The following PKP1 variants were observed in gnomAD, a reference collection of about 807,000 sequenced individuals.
The protein encoded by PKP1 is plakophilin-1.
A neutral mutation model predicts 76.4 loss-of-function variants in PKP1; 27 were observed. The observed-to-expected ratio is 0.35, with a 90% CI of 0.26 to 0.49. The LOEUF is 0.49. Ranked by LOEUF, PKP1 falls within the 20% of genes least tolerant of loss-of-function variation. PKP1 has a pLI of 0.99. For synonymous variants in PKP1, 404 were observed against 384.2 expected (o/e 1.05, Z -0.60); for missense variants, 964 against 955.2 (o/e 1.01, Z -0.12).
At position 201,325,293 on chromosome 1, in the gene PKP1, G is replaced by A. The variant is rs937449795; in HGVS notation, c.2021+166G>A. ...ATGGAGGAGAAGTTCCAGAAGCCGAGAGTGCGTGGAGAGAAGGGTCCAGCA... is the reference window on the plus strand; with the variant it reads ...ATGGAGGAGAAGTTCCAGAAGCCGAAAGTGCGTGGAGAGAAGGGTCCAGCA... On this transcript the variant is annotated intron_variant, in intron 11 of 13. Transcript: ENST00000367324. Among the ~76,000 whole-genome samples, 3 of 152,194 alleles carry A rather than the reference G, an allele frequency of 2.0e-5. No homozygotes were observed. In the East Asian group the frequency reaches 5.8e-4, roughly 29 times the overall value.
chr1:201,310,174 C>G (rs1379527098), intron 2 of PKP1, among the ~76,000 whole-genome samples: 1 of 152,198 alleles, frequency 6.6e-6, no homozygotes, highest in Non-Finnish European at 1.5e-5. Context: ...AGGCAGCCAG[C>G]CTGTGCCCAA....
chr1:201,324,854 A>C, intron 10 of PKP1, 87 bp from the exon 11 acceptor site: 1 of 1,332,372 alleles, frequency 7.5e-7, no homozygotes, highest in Non-Finnish European at 1.1e-6. Flanking sequence ...GCAGAAGGCT[A>C]TCGAAGAGTG....
intron 2 of PKP1, among the ~76,000 whole-genome samples, chr1:201,301,996 G>T (rs1159053435): frequency 2.6e-5 from 4 of 152,138 alleles, no homozygotes; most frequent in Non-Finnish European, 5.9e-5. Context: ...TGGGGAGGGG[G>T]TCTTGGGTTC....
chr1:201,325,861 T>C, intron 12 of PKP1, 23 bp downstream of exon 12: 2 of 1,567,472 alleles, frequency 1.3e-6, no homozygotes, highest in Non-Finnish European at 1.8e-6. Flanking sequence ...GACATCATCC[T>C]CTTCTGAGGT....
chr1:201,306,498 T>C, intron 2 of PKP1, among the ~76,000 whole-genome samples: 1 of 152,196 alleles, frequency 6.6e-6, no homozygotes, highest in East Asian at 1.9e-4. Context: ...AGCTACAAAG[T>C]TTTATAGGAT....
chr1:201,317,486 G>GA (rs11336457), intron 4 of PKP1, 86 bp from the exon 5 acceptor site: 81 of 1,147,512 alleles, frequency 7.1e-5, no homozygotes, highest in African/African-American at 4.0e-4. Flanking sequence ...TTTTTGGTCT[G>GA]AAAAAAAAAA....
At chr1:201,328,964 A>G (rs951263155) in intron 13 of PKP1, 96 bp downstream of exon 13, 48 of 817,736 alleles carry the variant, frequency 5.9e-5, no homozygotes, top group Middle Eastern at 2.3e-4. Context: ...TCCCAGGGAC[A>G]CAGAAGCATC....
chr1:201,329,411 C>T (rs1657243578), intron 13 of PKP1, among the ~76,000 whole-genome samples: 3 of 152,220 alleles, frequency 2.0e-5, no homozygotes. Flanking sequence ...TGCTAAAATG[C>T]ACACACTTGG....
intron 5 of PKP1, among the ~76,000 whole-genome samples, chr1:201,318,127 C>A (rs1346173469): frequency 6.6e-6 from 1 of 152,086 alleles, no homozygotes; most frequent in Non-Finnish European, 1.5e-5. Flanking sequence ...GGTTAACAGG[C>A]CTTAAGCACC....
intron 2 of PKP1, among the ~76,000 whole-genome samples, chr1:201,304,641 G>C (rs1656323673): frequency 6.6e-6 from 1 of 152,214 alleles, no homozygotes; most frequent in Admixed American, 6.5e-5. Context: ...AGAACCACTG[G>C]GGATGGGGTC....
intron 2 of PKP1, 41 bp downstream of exon 2, chr1:201,294,086 TG>T: frequency 1.5e-6 from 2 of 1,373,502 alleles, no homozygotes; most frequent in Non-Finnish European, 2.1e-6. Flanking sequence ...GGAGTACTTG[TG>T]GGGATGGTTT....
intron 1 of PKP1, among the ~76,000 whole-genome samples, chr1:201,284,796 G>A (rs537079151): frequency 1.3e-5 from 2 of 152,254 alleles, no homozygotes; most frequent in East Asian, 1.9e-4. Flanking sequence ...CGGGCCCCAG[G>A]GAGACCTCCA....
At chr1:201,318,866 C>A in intron 6 of PKP1, 71 bp downstream of exon 6, 1 of 1,315,902 alleles carries the variant, frequency 7.6e-7, no homozygotes, top group Non-Finnish European at 1.1e-6. Context: ...CCCATCTCAG[C>A]CAACATTCAG....
At chr1:201,290,014 A>G (rs2102151183) in intron 1 of PKP1, among the ~76,000 whole-genome samples, 1 of 152,142 alleles carries the variant, frequency 6.6e-6, no homozygotes, top group South Asian at 2.1e-4. Context: ...AGAGATTTCC[A>G]CTCATCCTAA....
At chr1:201,288,439 C>T (rs1037661299) in intron 1 of PKP1, among the ~76,000 whole-genome samples, 1 of 152,166 alleles carries the variant, frequency 6.6e-6, no homozygotes, top group Non-Finnish European at 1.5e-5. Context: ...AACACAAATG[C>T]GTGAGTCCCA....
Position 201,299,848 on chromosome 1 carries a change from C to T in PKP1, c.306+5803C>T, listed in dbSNP as rs117067165. 2.1e-3 allele frequency among the ~76,000 whole-genome samples: 322 copies of T among 152,350 alleles called. 4 individuals are homozygous for T. The East Asian group carries it at 0.026, about 12-fold the overall frequency. On this transcript the variant is annotated intron_variant, in intron 2 of 13. Transcript: ENST00000367324. ...ACAGACCCAACTCCCTCTTTCCAAACCATGTGTCTCAGCTCCAAATGCCAC... is the reference window on the plus strand; with the variant it reads ...ACAGACCCAACTCCCTCTTTCCAAATCATGTGTCTCAGCTCCAAATGCCAC...
At position 201,324,518 on chromosome 1, in the gene PKP1, G is replaced by A; in HGVS notation, c.1771G>A (p.Val591Met). The stretch of plus-strand genomic sequence containing the variant: ...CCTGCAATCTGGCAACTCTGATGTG[G>A]TGCGGTCCGGAGCCTCCCTCCTGAG... ...RLLQSGNSDV[V>M]RSGASLLSNM... The change falls in exon 10 of 14, where the codon GTG (valine) becomes ATG (methionine). Residue 591 changes from valine (V) to methionine (M), a missense_variant. Coordinates refer to ENST00000367324, the MANE Select transcript of PKP1 (RefSeq NM_001005337.3). 2 of 1,614,154 alleles carry A rather than the reference G, an allele frequency of 1.2e-6. No homozygotes were observed. Among genetic ancestry groups the A allele is most frequent in the Non-Finnish European group, 1.7e-6 (2 of 1,180,006 alleles).
In PKP1 at chr1:201,286,436, C is replaced by T. The variant is rs182365054; in HGVS notation, c.202+2532C>T. On this transcript the variant is annotated intron_variant, in intron 1 of 13. Coordinates refer to ENST00000367324, the MANE Select transcript of PKP1 (RefSeq NM_001005337.3). ...CAGTCAGGACCAGCCATCCTTGGTC[C>T]TGTGATAGAAGTGGCTTCTCAGTTC... Among the ~76,000 whole-genome samples the T allele has an allele frequency of 1.2e-4, 19 of 152,282 alleles. No homozygotes were observed. In the East Asian group the frequency reaches 2.5e-3, roughly 20 times the overall value.
Position 201,320,356 on chromosome 1 carries a change from TAGCGGCC to T in PKP1, c.1326_1332del (p.Ser444ValfsTer55). On this transcript the variant is annotated frameshift_variant, in exon 7 of 14. Transcript: ENST00000367324. LOFTEE classifies it high-confidence loss of function. The stretch of plus-strand genomic sequence containing the variant: ...CTCATGGCCTATGTCCAGAACTGTG[TAGCGGCC>T]AGCCGCTGTGACGACAAGGTGAGTG... 1 of 1,613,232 alleles carries T rather than the reference TAGCGGCC, an allele frequency of 6.2e-7. No homozygotes were observed. The highest frequency in any genetic ancestry group is 8.5e-7 in the Non-Finnish European group (1 of 1,179,224).
Sources: allele counts gnomAD v4.1 joint callset (sites outside exome capture counted in the v4.1 genomes callset), GRCh38; gene constraint gnomAD v4.1.1; transcripts MANE v1.5; gene names NCBI Gene and HGNC (gene_info 2026-07-23, HGNC 2026-07-21).